Variants in CMIP observed in about 807,000 individuals in gnomAD.
CMIP encodes c-Maf inducing protein.
CMIP carries 13 observed loss-of-function variants against 97.3 expected under a neutral mutation model. The ratio of observed to expected loss-of-function variants is 0.13; its 90% CI spans 0.09 to 0.21. The LOEUF (loss-of-function observed/expected upper bound fraction) is 0.21. CMIP is among the 10% of genes least tolerant of loss of function. The probability of loss-of-function intolerance (pLI) is 1.00; values close to 1 mark genes in which losing one functional copy is unlikely to be tolerated. For missense variants in CMIP, 847 were observed against 1,024.9 expected, an observed-to-expected ratio of 0.83 and a Z score of 2.37; for synonymous variants, 538 against 436.3, an observed-to-expected ratio of 1.23 and a Z score of -2.91.
At chr16:81,668,417 A>G (rs898004365) in intron 7 of CMIP, among the ~76,000 whole-genome samples, 1 of 152,114 alleles carries the variant, frequency 6.6e-6, no homozygotes, top group Admixed American at 6.5e-5. Flanking sequence ...TGCTCCTGGC[A>G]AGCCCCAAGC....
chr16:81,482,824 G>C (rs1174840923), intron 1 of CMIP, among the ~76,000 whole-genome samples: 1 of 152,246 alleles, frequency 6.6e-6, no homozygotes, highest in East Asian at 1.9e-4. Flanking sequence ...TGTAAAATGG[G>C]GGTGAGATAG....
At chr16:81,518,252 G>A (rs2089953949) in intron 1 of CMIP, 1 of 152,226 alleles carries the variant, frequency 6.6e-6, no homozygotes, top group Admixed American at 6.5e-5. Flanking sequence ...AATTGTGAAA[G>A]TAGGACCTGT....
intron 5 of CMIP, among the ~76,000 whole-genome samples, chr16:81,660,261 A>ATTTCTTT (rs535887178): frequency 1.3e-5 from 2 of 151,716 alleles, no homozygotes; most frequent in Non-Finnish European, 2.9e-5. Context: ...TTTTGCAAGT[A>ATTTCTTT]TTTCTTTTTT....
At chr16:81,576,547 T>C (rs1321847287) in intron 1 of CMIP, among the ~76,000 whole-genome samples, 1 of 152,136 alleles carries the variant, frequency 6.6e-6, no homozygotes, top group Non-Finnish European at 1.5e-5. Flanking sequence ...CATTTTACAA[T>C]GAGGAGATCA....
chr16:81,562,492 C>G (rs2090902567), intron 1 of CMIP, among the ~76,000 whole-genome samples: 1 of 152,240 alleles, frequency 6.6e-6, no homozygotes, highest in Non-Finnish European at 1.5e-5. Context: ...TTGGCAGATG[C>G]CCAGCTGCGG....
Position 81,585,898 on chromosome 16 carries a change from G to A in CMIP, c.301-21669G>A, listed in dbSNP as rs944437579. The stretch of plus-strand genomic sequence containing the variant: ...CTCTGTAAGAGTTGCTGCCCCTGTC[G>A]TAGCACCTGTCTCACCAGCACTGAT... On this transcript the variant is annotated intron_variant, in intron 1 of 20. Coordinates refer to ENST00000537098, the MANE Select transcript of CMIP (RefSeq NM_198390.3). 3.9e-5 allele frequency among the ~76,000 whole-genome samples: 6 copies of A among 152,050 alleles called. No individual in the cohort carries two copies. The East Asian group carries it at 5.8e-4, about 15-fold the overall frequency.
chr16:81,563,149 G>A (rs576091485), intron 1 of CMIP, among the ~76,000 whole-genome samples: 2 of 152,342 alleles, frequency 1.3e-5, no homozygotes, highest in African/African-American at 4.8e-5. Context: ...CCAAGAGGGG[G>A]CTTTGTCTTC....
At chr16:81,687,974 C>G (rs962046495) in intron 10 of CMIP, among the ~76,000 whole-genome samples, 1 of 152,246 alleles carries the variant, frequency 6.6e-6, no homozygotes, top group African/African-American at 2.4e-5. Flanking sequence ...CTGGGTAGAT[C>G]CCATGAGCGA....
chr16:81,670,615 T>G (rs946102038), intron 8 of CMIP, among the ~76,000 whole-genome samples: 1,193 of 62,602 alleles, frequency 0.019, 22 homozygotes, highest in African/African-American at 0.079. Context: ...GTTTTGGGTT[T>G]TTTTTGGGGG....
chr16:81,525,475 A>G (rs1166564745), intron 1 of CMIP, among the ~76,000 whole-genome samples: 1 of 151,796 alleles, frequency 6.6e-6, no homozygotes, highest in Non-Finnish European at 1.5e-5. Context: ...TTTTTTTATT[A>G]TGGTCAAATA....
At chr16:81,476,398 G>A in intron 1 of CMIP, 2 of 1,123,280 alleles carry the variant, frequency 1.8e-6, no homozygotes, top group Non-Finnish European at 2.7e-6. Flanking sequence ...TTTCTCTCCA[G>A]TGCTCAGAGC....
intron 3 of CMIP, among the ~76,000 whole-genome samples, chr16:81,643,588 G>A (rs547400652): frequency 1.3e-5 from 2 of 152,172 alleles, no homozygotes; most frequent in East Asian, 3.9e-4. Flanking sequence ...TCAGGAGTTC[G>A]AGACCAGCCT....
At chr16:81,629,902 C>T (rs1201409178) in intron 3 of CMIP, among the ~76,000 whole-genome samples, 1 of 152,236 alleles carries the variant, frequency 6.6e-6, no homozygotes, top group Admixed American at 6.5e-5. Flanking sequence ...TGTATCTCAG[C>T]TTTCGCTTTA....
intron 3 of CMIP, among the ~76,000 whole-genome samples, chr16:81,639,707 A>G (rs894764777): frequency 6.6e-6 from 1 of 152,188 alleles, no homozygotes; most frequent in Non-Finnish European, 1.5e-5. Context: ...TGCTGTGAAC[A>G]TGGGTGTGCA....
At chr16:81,602,484 G>A (rs990552481) in intron 1 of CMIP, among the ~76,000 whole-genome samples, 4 of 152,224 alleles carry the variant, frequency 2.6e-5, no homozygotes, top group Non-Finnish European at 5.9e-5. Flanking sequence ...CTTTTAGCGT[G>A]CAGATCTGTG....
At chr16:81,500,644 A>G (rs2150777832) in intron 1 of CMIP, among the ~76,000 whole-genome samples, 1 of 151,728 alleles carries the variant, frequency 6.6e-6, no homozygotes, top group East Asian at 1.9e-4. Context: ...GCGTGCCACC[A>G]CATCCAGCTA....
At chr16:81,673,162 A>T (rs1410979906) in intron 9 of CMIP, among the ~76,000 whole-genome samples, 1 of 152,120 alleles carries the variant, frequency 6.6e-6, no homozygotes, top group Non-Finnish European at 1.5e-5. Flanking sequence ...CTTCCTAGGA[A>T]GGTGGTCCCA....
At chr16:81,699,458 G>A (rs970912590) in intron 14 of CMIP, among the ~76,000 whole-genome samples, 2 of 152,178 alleles carry the variant, frequency 1.3e-5, no homozygotes, top group African/African-American at 4.8e-5. Flanking sequence ...TTTCGCGACT[G>A]GCTTATTCCA....
In CMIP at chr16:81,621,919, C is replaced by T. The variant is rs956381971; in HGVS notation, c.477+993C>T. 1.3e-5 allele frequency: 2 copies of T among 152,244 alleles called. No individual in the cohort carries two copies. Among genetic ancestry groups the T allele is most frequent in the African/African-American group, 4.8e-5 (2 of 41,450 alleles). The allele number at this position is 152,244 out of a possible 1,614,324, so 9.4% of individuals were successfully genotyped here. ...GGGCCACTCCCCTCCTTTCCTCTGT[C>T]AGCTACTGGTCCTCTTGCTTTGTGC... is the stretch of plus-strand genomic sequence containing the variant. On this transcript the variant is annotated intron_variant, in intron 3 of 20. Transcript: ENST00000537098. This position sits in a 1 kb window ranked among gnomAD's most constrained non-coding sequence, Gnocchi z 4.1.
Sources: gnomAD v4.1 joint callset for allele counts (sites outside exome capture counted in the v4.1 genomes callset) on GRCh38, gnomAD v4.1.1 for gene constraint, Gnocchi (gnomAD v3.1) non-coding constraint, MANE v1.5 for transcripts, NCBI Gene and HGNC (gene_info 2026-07-23, HGNC 2026-07-21) for gene names.